AGFG1: variants seen among roughly 807,000 people sequenced by gnomAD.
AGFG1 encodes the protein arf-GAP domain and FG repeat-containing protein 1.
AGFG1 carries 10 observed loss-of-function variants against 60.6 expected under a neutral mutation model. The observed-to-expected ratio is 0.16, with a 90% CI of 0.10 to 0.28. The LOEUF is 0.28. Ranked by LOEUF, AGFG1 falls within the 10% of genes least tolerant of loss-of-function variation. AGFG1 has a pLI of 1.00. For missense variants in AGFG1, 537 were observed against 676.5 expected (o/e 0.79, Z 2.29); for synonymous variants, 247 against 242.9 (o/e 1.02, Z -0.16).
At chr2:227,544,526 A>C (rs1302739443) in intron 10 of AGFG1, among the ~76,000 whole-genome samples, 1 of 152,084 alleles carries the variant, frequency 6.6e-6, no homozygotes, top group Non-Finnish European at 1.5e-5. Context: ...TATTTTGCTC[A>C]TTAGTTGATG....
chr2:227,541,848 T>C (rs1364871216), intron 10 of AGFG1, among the ~76,000 whole-genome samples: 1 of 152,238 alleles, frequency 6.6e-6, no homozygotes, highest in Non-Finnish European at 1.5e-5. Flanking sequence ...TTCTTCCATT[T>C]GTTTGTGTCC....
At chr2:227,513,985 G>A (rs1045794911) in intron 2 of AGFG1, among the ~76,000 whole-genome samples, 1 of 152,152 alleles carries the variant, frequency 6.6e-6, no homozygotes, top group African/African-American at 2.4e-5. Flanking sequence ...TAGGCAGTTT[G>A]GAATGAGTTT....
In AGFG1 at chr2:227,524,067, T is replaced by C. The variant is rs1044816510; in HGVS notation, c.540+142T>C. ...AATGGTTTGTTATACATTAAGAAAT[T>C]GTTGGTTAAGTGGTTGAAATGTATA... is the stretch of plus-strand genomic sequence containing the variant. On this transcript the variant is annotated intron_variant, in intron 4 of 12. Coordinates refer to ENST00000310078, the MANE Select transcript of AGFG1 (RefSeq NM_004504.5). 11 of 909,802 alleles carry C rather than the reference T, an allele frequency of 1.2e-5. No individual in the cohort carries two copies. In the African/African-American group the frequency reaches 1.8e-4, roughly 15 times the overall value. 56.4% of individuals were successfully genotyped at this position (909,802 alleles called of 1,614,324 possible).
chr2:227,477,223 G>A (rs1466495488), intron 1 of AGFG1, among the ~76,000 whole-genome samples: 6 of 152,102 alleles, frequency 3.9e-5, no homozygotes. Flanking sequence ...CAATTGTGAA[G>A]GACAAATTTT....
rs1260563587 is a variant in AGFG1 at position 227,558,376 on chromosome 2, C to G, written c.*3881C>G. The G allele has an allele frequency of 2.0e-5, 3 of 151,218 alleles. No individual in the cohort carries two copies. The highest frequency in any genetic ancestry group is 2.9e-5 in the Non-Finnish European group (2 of 67,860). The allele number at this position is 151,218 out of a possible 1,614,324, so 9.4% of individuals were successfully genotyped here. ...AATTCCTTTCATAATTTGATGAAATCAGTACAGTTTATTCTTGGTTTTTTT... is the reference window on the plus strand; with the variant it reads ...AATTCCTTTCATAATTTGATGAAATGAGTACAGTTTATTCTTGGTTTTTTT... On this transcript the variant is annotated 3_prime_UTR_variant, in exon 13 of 13. Coordinates refer to ENST00000310078, the MANE Select transcript of AGFG1 (RefSeq NM_004504.5).
chr2:227,555,403 T>C lies in AGFG1; in HGVS notation c.*908T>C, dbSNP rs1233664581. On this transcript the variant is annotated 3_prime_UTR_variant, in exon 13 of 13. Transcript: ENST00000310078. ...TATATATGAAGAATTTGCATGTATGTGTATTTACAAATTTTTCTAAGTATC... is the reference window on the plus strand; with the variant it reads ...TATATATGAAGAATTTGCATGTATGCGTATTTACAAATTTTTCTAAGTATC... 6.6e-6 allele frequency: 1 copy of C among 152,626 alleles called. No homozygotes were observed. The highest frequency in any genetic ancestry group is 1.5e-5 in the Non-Finnish European group (1 of 68,010). 9.5% of individuals were successfully genotyped at this position (152,626 alleles called of 1,614,324 possible). A position where few individuals can be genotyped will look rare whatever the true frequency, so the allele number is the denominator to read the frequency against.
chr2:227,489,790 T>C (rs1690747475), intron 1 of AGFG1, among the ~76,000 whole-genome samples: 1 of 151,830 alleles, frequency 6.6e-6, no homozygotes, highest in Non-Finnish European at 1.5e-5. Flanking sequence ...TTGAGGAGCT[T>C]CTCCTTTGTG....
At chr2:227,491,425 T>C in intron 1 of AGFG1, 122 bp from the exon 2 acceptor site, 1 of 579,886 alleles carries the variant, frequency 1.7e-6, no homozygotes, top group Non-Finnish European at 3.0e-6. Context: ...TACTTTGAGT[T>C]TATGGAATGA....
intron 2 of AGFG1, among the ~76,000 whole-genome samples, chr2:227,499,005 C>A (rs1246265882): frequency 6.6e-6 from 1 of 151,286 alleles, no homozygotes; most frequent in East Asian, 1.9e-4. Context: ...TTATTCATGC[C>A]TTTAGACAAG....
intron 9 of AGFG1, 91 bp from the exon 10 acceptor site, chr2:227,536,810 G>A (rs1471754217): frequency 1.8e-5 from 28 of 1,545,608 alleles, no homozygotes; most frequent in Non-Finnish European, 2.3e-5. Flanking sequence ...GAATCCTTGA[G>A]TTTTCTGTCT....
chr2:227,514,749 A>C (rs985475735), intron 2 of AGFG1, among the ~76,000 whole-genome samples: 1 of 152,132 alleles, frequency 6.6e-6, no homozygotes, highest in African/African-American at 2.4e-5. Flanking sequence ...CACCTCCCCC[A>C]AAAGAGACCA....
intron 2 of AGFG1, among the ~76,000 whole-genome samples, chr2:227,506,343 C>G (rs895701482): frequency 1.3e-5 from 2 of 152,092 alleles, no homozygotes; most frequent in Non-Finnish European, 2.9e-5. Context: ...ACACATAGGT[C>G]AGGAGTGAGC....
chr2:227,533,854 C>T (rs1435878434), intron 7 of AGFG1, 96 bp downstream of exon 7: 3 of 1,171,268 alleles, frequency 2.6e-6, no homozygotes, highest in Non-Finnish European at 3.6e-6. Context: ...ACACTTTTCT[C>T]AGTTGTTGTA....
At chr2:227,518,249 C>G (rs979886428) in intron 2 of AGFG1, among the ~76,000 whole-genome samples, 1 of 152,136 alleles carries the variant, frequency 6.6e-6, no homozygotes, top group Non-Finnish European at 1.5e-5. Flanking sequence ...ATCAGTAAAG[C>G]TGCTACAAAT....
chr2:227,551,449 GTAAC>G (rs564022066), intron 10 of AGFG1, among the ~76,000 whole-genome samples: 109 of 152,244 alleles, frequency 7.2e-4, no homozygotes, highest in East Asian at 9.6e-4. Flanking sequence ...TGGTCTGCCT[GTAAC>G]TAACTATTTG....
At chr2:227,483,381 A>AT in intron 1 of AGFG1, among the ~76,000 whole-genome samples, 1 of 152,154 alleles carries the variant, frequency 6.6e-6, no homozygotes, top group Non-Finnish European at 1.5e-5. Context: ...ATACGTTATA[A>AT]TTTTTTGGTA....
At chr2:227,535,855 C>T (rs1053160480) in intron 8 of AGFG1, among the ~76,000 whole-genome samples, 2 of 152,088 alleles carry the variant, frequency 1.3e-5, no homozygotes, top group Admixed American at 6.6e-5. Flanking sequence ...ATCAGGGGTT[C>T]ACAAACTGTG....
intron 6 of AGFG1, chr2:227,532,336 C>A (rs905359481): frequency 1.6e-6 from 1 of 621,238 alleles, no homozygotes; most frequent in Non-Finnish European, 2.5e-6. Context: ...TCTCTTCCAA[C>A]TCTATTTATT....
chr2:227,496,489 C>T (rs1008110422), intron 2 of AGFG1, among the ~76,000 whole-genome samples: 1 of 151,964 alleles, frequency 6.6e-6, no homozygotes, highest in Non-Finnish European at 1.5e-5. Context: ...AGGAACTGTC[C>T]TTAGGTCCTA....
Sources: gnomAD v4.1 joint callset for allele counts (sites outside exome capture counted in the v4.1 genomes callset) on GRCh38, gnomAD v4.1.1 for gene constraint, MANE v1.5 for transcripts, NCBI Gene and HGNC (gene_info 2026-07-23, HGNC 2026-07-21) for gene names.